Variants in CEP89 observed in about 807,000 individuals in gnomAD.
CEP89 encodes the protein centrosomal protein of 89 kDa.
A neutral mutation model predicts 97.6 loss-of-function variants in CEP89; 95 were observed. That is an observed-to-expected ratio of 0.97 (90% CI 0.82 to 1.15). The LOEUF is 1.15. CEP89 is among the 50% of genes most tolerant of loss of function. The probability of loss-of-function intolerance (pLI) is 0.00; values close to 1 mark genes in which losing one functional copy is unlikely to be tolerated. For synonymous variants in CEP89, 354 were observed against 349.1 expected, an observed-to-expected ratio of 1.01 and a Z score of -0.16; for missense variants, 869 against 947.7, an observed-to-expected ratio of 0.92 and a Z score of 1.09.
chr19:32,927,181 C>T (rs1024121351), intron 9 of CEP89, among the ~76,000 whole-genome samples, 197 bp from the exon 10 acceptor site: 4 of 152,190 alleles, frequency 2.6e-5, no homozygotes, highest in Non-Finnish European at 5.9e-5. Flanking sequence ...TCCATCCATC[C>T]ATCCATCCAC....
At chr19:32,957,384 TG>T (rs1971070482) in intron 3 of CEP89, among the ~76,000 whole-genome samples, 1 of 147,166 alleles carries the variant, frequency 6.8e-6, no homozygotes, top group South Asian at 2.2e-4. Context: ...TGAGTGTATG[TG>T]CGTGCATGAG....
At position 32,957,678 on chromosome 19, in the gene CEP89, C is replaced by T. The variant is rs531097247; in HGVS notation, c.305+2222G>A. Among the ~76,000 whole-genome samples, 51 of 152,018 alleles carry T rather than the reference C, an allele frequency of 3.4e-4. 1 individual carries two copies. The South Asian group carries it at 0.01, about 30-fold the overall frequency. On this transcript the variant is annotated intron_variant, in intron 3 of 18. Transcript: ENST00000305768. ...TACAAAAATTAGCCAGGTGTAGTGG[C>T]GCACAACTGTAGTCCCAGCTACTCT...
chr19:32,951,348 T>C (rs1970907571), intron 4 of CEP89, among the ~76,000 whole-genome samples: 1 of 151,956 alleles, frequency 6.6e-6, no homozygotes, highest in South Asian at 2.1e-4. Flanking sequence ...TTGCTGGGCA[T>C]GGTGGCGGGC....
At chr19:32,927,340 T>A (rs1189614227) in intron 9 of CEP89, among the ~76,000 whole-genome samples, 1 of 152,176 alleles carries the variant, frequency 6.6e-6, no homozygotes, top group Non-Finnish European at 1.5e-5. Flanking sequence ...AAACATTCAT[T>A]TACTTAACCA....
intron 4 of CEP89, among the ~76,000 whole-genome samples, chr19:32,949,275 G>T (rs375918329): frequency 6.6e-6 from 1 of 152,346 alleles, no homozygotes; most frequent in East Asian, 1.9e-4. Flanking sequence ...AGGCCCATGG[G>T]CCAGGAATGG....
At chr19:32,910,957 G>A (rs1266501067) in intron 14 of CEP89, among the ~76,000 whole-genome samples, 2 of 152,188 alleles carry the variant, frequency 1.3e-5, no homozygotes, top group Non-Finnish European at 2.9e-5. Context: ...AAAAAGTAGG[G>A]TAAATACATA....
intron 5 of CEP89, among the ~76,000 whole-genome samples, chr19:32,944,784 G>A (rs1224086982): frequency 6.6e-6 from 1 of 152,236 alleles, no homozygotes; most frequent in Non-Finnish European, 1.5e-5. Context: ...CCCAAAGTGT[G>A]TTTGGTCTTC....
intron 3 of CEP89, among the ~76,000 whole-genome samples, chr19:32,956,049 C>CTTTTTTT (rs202179963): frequency 6.6e-4 from 70 of 105,748 alleles, no homozygotes; most frequent in Non-Finnish European, 8.3e-4. Flanking sequence ...CAATTTGGTT[C>CTTTTTTT]TTTTTTTTTT....
At chr19:32,960,206 T>C in intron 2 of CEP89, 148 bp from the exon 3 acceptor site, 1 of 712,772 alleles carries the variant, frequency 1.4e-6, no homozygotes, top group Non-Finnish European at 2.3e-6. Flanking sequence ...CCGCAGGCCA[T>C]CAGACAATCT....
At chr19:32,958,095 G>T (rs928871755) in intron 3 of CEP89, among the ~76,000 whole-genome samples, 1 of 150,626 alleles carries the variant, frequency 6.6e-6, no homozygotes, top group Non-Finnish European at 1.5e-5. Flanking sequence ...ATGGTCTTAC[G>T]TGCTTATTTT....
chr19:32,907,281 A>G (rs1186794202), intron 14 of CEP89, among the ~76,000 whole-genome samples: 1 of 152,176 alleles, frequency 6.6e-6, no homozygotes, highest in Non-Finnish European at 1.5e-5. Context: ...GAATCGCTTG[A>G]GCCTGGAGTT....
intron 11 of CEP89, among the ~76,000 whole-genome samples, chr19:32,925,469 G>A (rs1284153802): frequency 6.8e-6 from 1 of 146,576 alleles, no homozygotes; most frequent in Non-Finnish European, 1.5e-5. Flanking sequence ...TCCTTCCCAT[G>A]TCTGCCCAAA....
At chr19:32,922,446 G>C (rs764946618) in intron 12 of CEP89, among the ~76,000 whole-genome samples, 1 of 152,210 alleles carries the variant, frequency 6.6e-6, no homozygotes, top group Non-Finnish European at 1.5e-5. Flanking sequence ...GGGAGGCTGA[G>C]GTGGGAGGAT....
At chr19:32,918,429 A>T in intron 12 of CEP89, 90 bp from the exon 13 acceptor site, 1 of 857,466 alleles carries the variant, frequency 1.2e-6, no homozygotes, top group Non-Finnish European at 2.0e-6. Flanking sequence ...CAATGGCTGC[A>T]TTACAGGTAA....
At chr19:32,969,301 T>C (rs1971349512) in intron 1 of CEP89, 1 of 152,406 alleles carries the variant, frequency 6.6e-6, no homozygotes, top group African/African-American at 2.4e-5. Context: ...AGGGTTTTTA[T>C]GGACCTCAGC....
At chr19:32,951,511 T>TTATATATATA (rs72440449) in intron 4 of CEP89, among the ~76,000 whole-genome samples, 2 of 132,036 alleles carry the variant, frequency 1.5e-5, no homozygotes, top group African/African-American at 6.1e-5. Flanking sequence ...CAACAAAAAA[T>TTATATATATA]TATATATATA....
At chr19:32,942,895 G>C (rs4805017) in intron 5 of CEP89, among the ~76,000 whole-genome samples, 32,942 of 149,620 alleles carry the variant, frequency 0.22, 3,858 homozygotes, top group Admixed American at 0.33. Flanking sequence ...TGTCACCCAG[G>C]CTGAAGTGCA....
At chr19:32,933,739 CTT>C (rs1970525224) in intron 7 of CEP89, 70 bp from the exon 8 acceptor site, 1 of 1,071,194 alleles carries the variant, frequency 9.3e-7, no homozygotes, top group African/African-American at 1.6e-5. Flanking sequence ...AATCAACTGA[CTT>C]TGTTCCAAAA....
At chr19:32,889,781 G>C (rs970357900) in intron 16 of CEP89, among the ~76,000 whole-genome samples, 3 of 152,144 alleles carry the variant, frequency 2.0e-5, no homozygotes, top group Admixed American at 2.0e-4. Context: ...GTGGCGGGCA[G>C]GTTCCCAGGA....
Sources: allele counts gnomAD v4.1 joint callset (sites outside exome capture counted in the v4.1 genomes callset), GRCh38; gene constraint gnomAD v4.1.1; transcripts MANE v1.5; gene names NCBI Gene and HGNC (gene_info 2026-07-23, HGNC 2026-07-21).